The following ABCA13 variants were observed in gnomAD, a reference collection of about 807,000 sequenced individuals.
The protein encoded by ABCA13 is ATP binding cassette subfamily A member 13, also known as ATP-binding cassette sub-family A member 13.
A neutral mutation model predicts 478.7 loss-of-function variants in ABCA13; 476 were observed. The observed-to-expected ratio is 0.99, with a 90% CI of 0.92 to 1.07. The LOEUF (loss-of-function observed/expected upper bound fraction) is 1.07. Ranked by LOEUF, ABCA13 falls within the 50% of genes least tolerant of loss-of-function variation. ABCA13 has a pLI of 0.00. For synonymous variants in ABCA13, 2,252 were observed against 2,158.9 expected (o/e 1.04, Z -1.20); for missense variants, 6,060 against 5,910.6 (o/e 1.03, Z -0.83).
intron 58 of ABCA13, among the ~76,000 whole-genome samples, chr7:48,600,349 G>GTTT (rs796436799): frequency 1.4e-5 from 2 of 144,616 alleles, no homozygotes; most frequent in African/African-American, 5.0e-5. Context: ...GTTGGATATT[G>GTTT]TTTTTTTTTT....
At chr7:48,557,985 T>C (rs1786018728) in intron 55 of ABCA13, among the ~76,000 whole-genome samples, 1 of 152,118 alleles carries the variant, frequency 6.6e-6, no homozygotes, top group South Asian at 2.1e-4. Context: ...GCTTCATTCT[T>C]GTCTGTTCTT....
At chr7:48,643,734 T>C (rs1358348002) in intron 60 of ABCA13, among the ~76,000 whole-genome samples, 1 of 152,246 alleles carries the variant, frequency 6.6e-6, no homozygotes, top group Non-Finnish European at 1.5e-5. Flanking sequence ...ATATATTTGC[T>C]GTAGGGTTTA....
chr7:48,307,624 C>G (rs1801100354), intron 23 of ABCA13, among the ~76,000 whole-genome samples: 1 of 152,112 alleles, frequency 6.6e-6, no homozygotes, highest in Admixed American at 6.6e-5. Context: ...AAATTTCTTT[C>G]TTCAATCATA....
At chr7:48,431,342 AAACAACAACAACAACAAC>A (rs56675430) in intron 42 of ABCA13, among the ~76,000 whole-genome samples, 13 of 148,038 alleles carry the variant, frequency 8.8e-5, no homozygotes, top group East Asian at 6.0e-4. Flanking sequence ...ATTCTGTCTC[AAACAACAACAACAACAAC>A]AACAACAACA....
At chr7:48,537,420 T>A (rs1296634565) in intron 55 of ABCA13, among the ~76,000 whole-genome samples, 1 of 152,164 alleles carries the variant, frequency 6.6e-6, no homozygotes, top group East Asian at 1.9e-4. Flanking sequence ...CACTCGAACA[T>A]GAATTTTCTC....
Position 48,278,826 on chromosome 7 carries a change from T to C in ABCA13, c.7632T>C (p.Phe2544=). The C allele has an allele frequency of 6.2e-7, 1 of 1,613,832 alleles. No homozygotes were observed. Among genetic ancestry groups the C allele is most frequent in the Non-Finnish European group, 8.5e-7 (1 of 1,179,890 alleles). The change falls in exon 18 of 62, where the codon TTT becomes TTC. Residue 2544 remains phenylalanine, a synonymous_variant. Coordinates refer to ENST00000435803, the MANE Select transcript of ABCA13 (RefSeq NM_152701.5). ...TGTCCACAGTTTTTAAAACTCATTT[T>C]ATCTCCAATACCAAGGACAGTGTGA... ...GKMSTVFKTH[F]ISNTKDSVKF...
chr7:48,538,223 C>T (rs1300876554), intron 55 of ABCA13, among the ~76,000 whole-genome samples: 4 of 151,214 alleles, frequency 2.6e-5, no homozygotes, highest in Non-Finnish European at 5.9e-5. Flanking sequence ...GCCTCAGCCT[C>T]CTGAGTAGCT....
intron 55 of ABCA13, 41 bp downstream of exon 55, chr7:48,528,386 A>G (rs1833016934): frequency 7.3e-7 from 1 of 1,371,854 alleles, no homozygotes; most frequent in Admixed American, 2.6e-5. Context: ...TTAAAGAGAT[A>G]ATAAGCCCAG....
chr7:48,383,614 C>A (rs536757646), intron 35 of ABCA13, among the ~76,000 whole-genome samples: 69 of 152,284 alleles, frequency 4.5e-4, no homozygotes, highest in African/African-American at 1.6e-3. Flanking sequence ...ATATTCTTTT[C>A]TCCCCTATGG....
In ABCA13 at chr7:48,362,409, CTTTTTT is replaced by C. The variant is rs35795708; in HGVS notation, c.10689-5370_10689-5365del. Among the ~76,000 whole-genome samples the C allele has an allele frequency of 4.8e-4, 41 of 86,002 alleles. No homozygotes were observed. In the East Asian group the frequency reaches 0.013, roughly 27 times the overall value. 56.4% of individuals were successfully genotyped at this position (86,002 alleles called of 152,430 possible). On this transcript the variant is annotated intron_variant, in intron 31 of 61. Coordinates refer to ENST00000435803, the MANE Select transcript of ABCA13 (RefSeq NM_152701.5). ...CCTTCTCTTCACTCTTCCTCTTCTT[CTTTTTT>C]TTTTTTTTTTTTTTGCCTTTTGGTG...
chr7:48,326,954 G>A (rs571091788), intron 27 of ABCA13, among the ~76,000 whole-genome samples: 19 of 152,182 alleles, frequency 1.2e-4, no homozygotes, highest in Non-Finnish European at 2.2e-4. Context: ...TGGATCTGGA[G>A]CAACAGAGCA....
At chr7:48,644,843 C>A in intron 61 of ABCA13, 89 bp downstream of exon 61, 6 of 1,246,206 alleles carry the variant, frequency 4.8e-6, no homozygotes, top group East Asian at 2.4e-5. Flanking sequence ...CGAATTGCTT[C>A]AATTCACCAC....
intron 3 of ABCA13, among the ~76,000 whole-genome samples, chr7:48,213,555 G>A (rs1306751559): frequency 6.6e-6 from 1 of 152,162 alleles, no homozygotes; most frequent in Non-Finnish European, 1.5e-5. Context: ...TGCTGGAGGT[G>A]GAAGTGGCTG....
intron 55 of ABCA13, among the ~76,000 whole-genome samples, chr7:48,547,855 T>G (rs1187892469): frequency 6.6e-6 from 1 of 151,910 alleles, no homozygotes; most frequent in Non-Finnish European, 1.5e-5. Flanking sequence ...TAAGTGATGA[T>G]GCTTGGTAGG....
chr7:48,529,229 A>G (rs968913165), intron 55 of ABCA13, among the ~76,000 whole-genome samples: 1 of 152,306 alleles, frequency 6.6e-6, no homozygotes, highest in Non-Finnish European at 1.5e-5. Flanking sequence ...TTTGTGTGCT[A>G]TCAAGTTTAC....
At chr7:48,501,214 C>T (rs1229762514) in intron 48 of ABCA13, among the ~76,000 whole-genome samples, 3 of 152,148 alleles carry the variant, frequency 2.0e-5, no homozygotes, top group African/African-American at 7.2e-5. Context: ...CCAGGGTTTT[C>T]TCTACTTACT....
intron 29 of ABCA13, among the ~76,000 whole-genome samples, chr7:48,349,531 G>A (rs940886665): frequency 6.6e-6 from 1 of 152,126 alleles, no homozygotes; most frequent in Non-Finnish European, 1.5e-5. Flanking sequence ...TTCTTATTCA[G>A]GGCTGGCCCC....
chr7:48,412,772 G>A (rs761380113), intron 41 of ABCA13, among the ~76,000 whole-genome samples, 189 bp downstream of exon 41: 1 of 147,372 alleles, frequency 6.8e-6, no homozygotes, highest in Non-Finnish European at 1.5e-5. Flanking sequence ...CTGACAGGTG[G>A]CAATTGCCCT....
chr7:48,394,744 G>A (rs1341563629), intron 38 of ABCA13, among the ~76,000 whole-genome samples: 3 of 152,076 alleles, frequency 2.0e-5, no homozygotes, highest in East Asian at 3.9e-4. Flanking sequence ...TTGGTTACAT[G>A]AGTAAGTTCT....
Sources: allele counts gnomAD v4.1 joint callset (sites outside exome capture counted in the v4.1 genomes callset), GRCh38; gene constraint gnomAD v4.1.1; transcripts MANE v1.5; gene names NCBI Gene and HGNC (gene_info 2026-07-23, HGNC 2026-07-21).